TIAM1: variants seen among roughly 807,000 people sequenced by gnomAD.
The protein encoded by TIAM1 is rho guanine nucleotide exchange factor TIAM1.
In TIAM1, 65 loss-of-function variants were observed where a neutral mutation model predicts 163.5. That is an observed-to-expected ratio of 0.40 (90% CI 0.33 to 0.49). The LOEUF is 0.49. Ranked by LOEUF, TIAM1 falls within the 20% of genes least tolerant of loss-of-function variation. The pLI, the probability that TIAM1 is intolerant of heterozygous loss-of-function variation, is 0.77. For missense variants in TIAM1, 1,789 were observed against 2,044.7 expected, an observed-to-expected ratio of 0.87 and a Z score of 2.41; for synonymous variants, 833 against 810.1, an observed-to-expected ratio of 1.03 and a Z score of -0.48.
chr21:31,135,403 T>C (rs75506668), intron 23 of TIAM1, among the ~76,000 whole-genome samples: 1,847 of 152,288 alleles, frequency 0.012, 43 homozygotes, highest in African/African-American at 0.042. Context: ...TAGTATTGAG[T>C]GGCAATGCGA....
intron 5 of TIAM1, 112 bp downstream of exon 5, chr21:31,251,630 C>G: frequency 8.8e-7 from 1 of 1,140,922 alleles, no homozygotes; most frequent in East Asian, 2.4e-5. Flanking sequence ...GTATGATTTT[C>G]AAATTCTGTA....
chr21:31,250,342 T>G (rs2833350), intron 5 of TIAM1, among the ~76,000 whole-genome samples: 27,501 of 152,008 alleles, frequency 0.18, 3,152 homozygotes, highest in East Asian at 0.42. Flanking sequence ...TTGGCATTGC[T>G]GGTCTCTGGC....
At chr21:31,440,229 A>C (rs2044370026) in intron 2 of TIAM1, among the ~76,000 whole-genome samples, 1 of 152,208 alleles carries the variant, frequency 6.6e-6, no homozygotes, top group Non-Finnish European at 1.5e-5. Context: ...GTAGCAACTG[A>C]AGGTGTTAAG....
chr21:31,468,375 T>C (rs904140785), intron 1 of TIAM1, among the ~76,000 whole-genome samples: 18 of 151,188 alleles, frequency 1.2e-4, no homozygotes, highest in African/African-American at 4.1e-4. Flanking sequence ...CCCAGCTACT[T>C]GGGAGGCTGA....
chr21:31,193,420 A>G (rs2085662881), intron 13 of TIAM1, among the ~76,000 whole-genome samples: 1 of 152,104 alleles, frequency 6.6e-6, no homozygotes, highest in African/African-American at 2.4e-5. Flanking sequence ...CTCCCCAGAA[A>G]AGCCCTGGGC....
At chr21:31,436,881 C>T (rs1240882641) in intron 2 of TIAM1, among the ~76,000 whole-genome samples, 1 of 151,892 alleles carries the variant, frequency 6.6e-6, no homozygotes, top group Non-Finnish European at 1.5e-5. Context: ...TCGCTTGCAC[C>T]CAGGAGGTGG....
chr21:31,280,082 C>T (rs571788267), intron 2 of TIAM1, among the ~76,000 whole-genome samples: 1 of 152,146 alleles, frequency 6.6e-6, no homozygotes, highest in Non-Finnish European at 1.5e-5. Flanking sequence ...TACCAGTAGG[C>T]CTGCTTACAT....
intron 2 of TIAM1, among the ~76,000 whole-genome samples, chr21:31,292,957 G>A (rs1189989267): frequency 6.6e-6 from 1 of 152,146 alleles, no homozygotes; most frequent in African/African-American, 2.4e-5. Context: ...CCAAAGTGCT[G>A]GGATTACAGG....
chr21:31,434,826 C>T (rs2044156880), intron 2 of TIAM1, among the ~76,000 whole-genome samples: 1 of 152,298 alleles, frequency 6.6e-6, no homozygotes, highest in South Asian at 2.1e-4. Flanking sequence ...ACAGCTTGGC[C>T]GTCCCAGTTC....
intron 22 of TIAM1, among the ~76,000 whole-genome samples, chr21:31,138,662 A>G (rs944782323): frequency 6.6e-6 from 1 of 152,086 alleles, no homozygotes. Flanking sequence ...AGACCATCCT[A>G]TTTCCCAAGA....
At position 31,213,446 on chromosome 21, in the gene TIAM1, T is replaced by G; in HGVS notation, c.2169A>C (p.Val723=). 6.2e-7 allele frequency: 1 copy of G among 1,613,784 alleles called. No homozygotes were observed. Among genetic ancestry groups the G allele is most frequent in the Non-Finnish European group, 8.5e-7 (1 of 1,179,990 alleles). Reference sequence around the variant, plus strand: ...CAAATATTCCCTCTAAAGATTTCTTTACAGCTTCGGTTCCCTCTCCAAACA... The same window carrying G: ...CAAATATTCCCTCTAAAGATTTCTTGACAGCTTCGGTTCCCTCTCCAAACA... The part of the protein sequence containing the change: ...NQVFGEGTEA[V]KKSLEGIFDD... The change falls in exon 10 of 28, where the codon GTA becomes GTC. Residue 723 remains valine (V), a synonymous_variant. Transcript: ENST00000541036.
chr21:31,464,493 A>T (rs1231705408), intron 1 of TIAM1, among the ~76,000 whole-genome samples: 2 of 152,090 alleles, frequency 1.3e-5, no homozygotes, highest in African/African-American at 4.8e-5. Flanking sequence ...AGATCACTTG[A>T]CCCCAGGAGT....
chr21:31,403,412 GC>G (rs1458146698), intron 2 of TIAM1, among the ~76,000 whole-genome samples: 1 of 152,210 alleles, frequency 6.6e-6, no homozygotes, highest in African/African-American at 2.4e-5. Context: ...CTCCCAAAGT[GC>G]TGGGATTACA....
At chr21:31,349,421 CCACACA>C (rs1159390609) in intron 2 of TIAM1, among the ~76,000 whole-genome samples, 1 of 152,158 alleles carries the variant, frequency 6.6e-6, no homozygotes. Flanking sequence ...GCTGTCCCAC[CCACACA>C]CACAGTAAGG....
At chr21:31,359,838 AAGGAAGGAAGGAAGGAAGGAAGGAAGGG>A (rs1463025196) in intron 2 of TIAM1, among the ~76,000 whole-genome samples, 1 of 135,314 alleles carries the variant, frequency 7.4e-6, no homozygotes. Context: ...GGAAGGAAGG[AAGGAAGGAAGGAAGGAAGGAAGGAAGGG>A]AGGGAGGGAG....
chr21:31,421,435 G>C (rs1298133320), intron 2 of TIAM1, among the ~76,000 whole-genome samples: 1 of 152,184 alleles, frequency 6.6e-6, no homozygotes, highest in East Asian at 1.9e-4. Flanking sequence ...GGTGGGCAGT[G>C]GGCAAGCGGG....
At chr21:31,132,425 G>T (rs2082447543) in intron 23 of TIAM1, among the ~76,000 whole-genome samples, 1 of 152,128 alleles carries the variant, frequency 6.6e-6, no homozygotes, top group Admixed American at 6.5e-5. Context: ...ACTGACCCGA[G>T]GAGGCCACAC....
At chr21:31,445,329 C>T (rs546497) in intron 2 of TIAM1, among the ~76,000 whole-genome samples, 128,317 of 152,170 alleles carry the variant, frequency 0.84, 54,715 homozygotes, top group African/African-American at 0.96. Flanking sequence ...AGACCAGCCT[C>T]ACTCTGTTTA....
chr21:31,252,727 T>C (rs938163325), intron 4 of TIAM1, among the ~76,000 whole-genome samples: 10 of 152,196 alleles, frequency 6.6e-5, no homozygotes, highest in African/African-American at 2.4e-4. Flanking sequence ...AAAAGATAGC[T>C]AGTGCACCGC....
Sources: allele counts gnomAD v4.1 joint callset (sites outside exome capture counted in the v4.1 genomes callset), GRCh38; gene constraint gnomAD v4.1.1; transcripts MANE v1.5; gene names NCBI Gene and HGNC (gene_info 2026-07-23, HGNC 2026-07-21).